The following ATRNL1 variants were observed in gnomAD, a reference collection of about 807,000 sequenced individuals.
ATRNL1 encodes attractin like 1.
A neutral mutation model predicts 182.7 loss-of-function variants in ATRNL1; 95 were observed. The ratio of observed to expected loss-of-function variants is 0.52; its 90% confidence interval spans 0.44 to 0.62. ATRNL1 has a LOEUF of 0.62. ATRNL1 is among the 20% of genes least tolerant of loss of function. ATRNL1 has a pLI of 0.00. For missense variants in ATRNL1, 1,471 were observed against 1,679.5 expected (o/e 0.88, Z 2.17); for synonymous variants, 576 against 568.3 (o/e 1.01, Z -0.19).
chr10:115,135,541 C>G (rs938332438), intron 5 of ATRNL1, among the ~76,000 whole-genome samples: 14 of 152,132 alleles, frequency 9.2e-5, no homozygotes, highest in Non-Finnish European at 1.5e-5. Flanking sequence ...AAAGAGGATA[C>G]AAACAAATGG....
intron 8 of ATRNL1, among the ~76,000 whole-genome samples, chr10:115,207,265 C>G (rs1554894005): frequency 1.3e-5 from 2 of 152,162 alleles, no homozygotes; most frequent in African/African-American, 4.8e-5. Flanking sequence ...AATCACCACA[C>G]TGTCTTCCAC....
At chr10:115,190,890 C>T (rs1174377297) in intron 8 of ATRNL1, among the ~76,000 whole-genome samples, 2 of 152,124 alleles carry the variant, frequency 1.3e-5, no homozygotes, top group African/African-American at 4.8e-5. Flanking sequence ...CTTTCCTAGC[C>T]TCTAGCAACT....
chr10:115,498,285 G>T (rs1282471430), intron 24 of ATRNL1, among the ~76,000 whole-genome samples: 1 of 151,982 alleles, frequency 6.6e-6, no homozygotes, highest in East Asian at 1.9e-4. Context: ...GATTTTTAAA[G>T]TTACAAATAA....
At chr10:115,394,534 C>T in intron 19 of ATRNL1, 125 bp from the exon 20 acceptor site, 2 of 710,006 alleles carry the variant, frequency 2.8e-6, no homozygotes, top group Non-Finnish European at 4.8e-6. Context: ...ATCTGGTAAC[C>T]TTAGTTTTTG....
At chr10:115,383,681 A>G (rs1328933499) in intron 19 of ATRNL1, among the ~76,000 whole-genome samples, 3 of 152,010 alleles carry the variant, frequency 2.0e-5, no homozygotes, top group African/African-American at 4.8e-5. Context: ...AAAATATACA[A>G]ATATTCAGAA....
At chr10:115,596,995 A>AT (rs1856285143) in intron 26 of ATRNL1, among the ~76,000 whole-genome samples, 1 of 152,072 alleles carries the variant, frequency 6.6e-6, no homozygotes, top group Admixed American at 6.6e-5. Context: ...AAGGTTAAAA[A>AT]AAATCCTTCA....
rs868923147 is a variant in ATRNL1 at position 115,727,341 on chromosome 10, C to T, written c.3889C>T (p.Arg1297Ter). Reference sequence around the variant, plus strand: ...GGGAGCTGAACAAACAGAGTTTCTGCGAGGGCCATTAGAGGTAGGAACAGC... The same window carrying T: ...GGGAGCTGAACAAACAGAGTTTCTGTGAGGGCCATTAGAGGTAGGAACAGC... ...EVGAEQTEFL[R>*]GPLEGAPKPI... The change falls in exon 27 of 29, where the codon CGA (arginine) becomes TGA (stop). Residue 1297 changes from arginine to a stop codon, truncating the protein, a stop_gained. Transcript: ENST00000355044. LOFTEE classifies it high-confidence loss of function. 5.0e-6 allele frequency: 8 copies of T among 1,613,688 alleles called. No individual in the cohort carries two copies. The highest frequency in any genetic ancestry group is 6.8e-6 in the Non-Finnish European group (8 of 1,179,694).
intron 19 of ATRNL1, among the ~76,000 whole-genome samples, chr10:115,343,606 C>T (rs1418176840): frequency 2.6e-5 from 4 of 152,114 alleles, no homozygotes; most frequent in Non-Finnish European, 4.4e-5. Context: ...TCACATATCT[C>T]TGTTTCTCCA....
chr10:115,307,585 C>T (rs1853799153), intron 17 of ATRNL1, among the ~76,000 whole-genome samples: 1 of 152,040 alleles, frequency 6.6e-6, no homozygotes, highest in Non-Finnish European at 1.5e-5. Flanking sequence ...TATTATACAC[C>T]CTGTGTGTCG....
At chr10:115,369,092 A>T (rs1395562220) in intron 19 of ATRNL1, among the ~76,000 whole-genome samples, 11 of 152,266 alleles carry the variant, frequency 7.2e-5, no homozygotes, top group Admixed American at 6.5e-4. Flanking sequence ...TTATTTTCAC[A>T]TAAAATAATA....
intron 27 of ATRNL1, among the ~76,000 whole-genome samples, chr10:115,759,244 G>T (rs1031388013): frequency 6.6e-6 from 1 of 152,074 alleles, no homozygotes; most frequent in Admixed American, 6.6e-5. Flanking sequence ...TTAAATCAGG[G>T]TTTCTCAACT....
intron 20 of ATRNL1, among the ~76,000 whole-genome samples, chr10:115,408,851 T>C (rs1554959091): frequency 1.3e-5 from 2 of 152,198 alleles, no homozygotes; most frequent in African/African-American, 4.8e-5. Flanking sequence ...GTCATCTTTG[T>C]TCTTGGCATC....
intron 28 of ATRNL1, among the ~76,000 whole-genome samples, chr10:115,894,607 G>T (rs1555112039): frequency 1.3e-5 from 2 of 152,140 alleles, no homozygotes; most frequent in Admixed American, 1.3e-4. Flanking sequence ...TTCTTATAAA[G>T]ATCTAGAATA....
chr10:115,217,955 C>T (rs1416744364), intron 9 of ATRNL1, among the ~76,000 whole-genome samples: 4 of 151,952 alleles, frequency 2.6e-5, no homozygotes, highest in African/African-American at 9.7e-5. Context: ...TGGATTATGT[C>T]AGTGGTCCCC....
intron 9 of ATRNL1, among the ~76,000 whole-genome samples, chr10:115,223,636 A>G (rs1849556719): frequency 6.6e-6 from 1 of 151,922 alleles, no homozygotes; most frequent in Admixed American, 6.6e-5. Context: ...GTCTCACTTG[A>G]TATTTGAGAG....
intron 27 of ATRNL1, 80 bp from the exon 28 acceptor site, chr10:115,847,797 C>T: frequency 1.3e-6 from 1 of 766,614 alleles, no homozygotes; most frequent in South Asian, 1.5e-5. Flanking sequence ...AGCACAGCTA[C>T]CTAAAGGATA....
intron 18 of ATRNL1, among the ~76,000 whole-genome samples, chr10:115,319,770 T>C (rs1431917993): frequency 1.3e-5 from 2 of 152,130 alleles, no homozygotes; most frequent in Non-Finnish European, 2.9e-5. Flanking sequence ...CTCTTTATTT[T>C]GAGCCTATGT....
At chr10:115,869,083 C>T (rs1565449056) in intron 28 of ATRNL1, among the ~76,000 whole-genome samples, 1 of 152,046 alleles carries the variant, frequency 6.6e-6, no homozygotes, top group Admixed American at 6.5e-5. Context: ...CCCGCCTCGG[C>T]CTCCCAAAGT....
At chr10:115,521,872 G>A (rs148018738) in intron 25 of ATRNL1, among the ~76,000 whole-genome samples, 209 of 152,278 alleles carry the variant, frequency 1.4e-3, no homozygotes, top group African/African-American at 4.7e-3. Context: ...GTTTTATAAA[G>A]CTACTGCTAA....
Sources: allele counts gnomAD v4.1 joint callset (sites outside exome capture counted in the v4.1 genomes callset), GRCh38; gene constraint gnomAD v4.1.1; transcripts MANE v1.5; gene names NCBI Gene and HGNC (gene_info 2026-07-23, HGNC 2026-07-21).